TRHDE: variants seen among roughly 807,000 people sequenced by gnomAD.
TRHDE encodes thyrotropin-releasing hormone-degrading ectoenzyme.
In TRHDE, 72 loss-of-function variants were observed where a neutral mutation model predicts 125.7. The observed-to-expected ratio is 0.57, with a 90% CI of 0.47 to 0.70. The LOEUF is 0.70. TRHDE is among the 30% of genes least tolerant of loss of function. The pLI is 0.00. For synonymous variants in TRHDE, 509 were observed against 509.1 expected, an observed-to-expected ratio of 1.00 and a Z score of 0.00; for missense variants, 1,110 against 1,327.1, an observed-to-expected ratio of 0.84 and a Z score of 2.54.
intron 7 of TRHDE, among the ~76,000 whole-genome samples, chr12:72,552,816 TA>T (rs909585675): frequency 6.6e-6 from 1 of 152,106 alleles, no homozygotes; most frequent in Non-Finnish European, 1.5e-5. Flanking sequence ...TAGAGGGGGA[TA>T]AAGGCTAAGG....
intron 12 of TRHDE, among the ~76,000 whole-genome samples, chr12:72,588,335 G>A (rs1180970943): frequency 3.2e-4 from 49 of 152,096 alleles, no homozygotes; most frequent in Non-Finnish European, 4.4e-5. Flanking sequence ...AGTAAATAAG[G>A]GAACCATCTG....
chr12:72,211,508 C>T (rs1877781568), intron 2 of TRHDE, among the ~76,000 whole-genome samples: 1 of 152,106 alleles, frequency 6.6e-6, no homozygotes, highest in Non-Finnish European at 1.5e-5. Flanking sequence ...ATTCAGCAAG[C>T]TTTTGATAAT....
chr12:72,637,511 T>A (rs910352534), intron 15 of TRHDE, among the ~76,000 whole-genome samples: 2 of 152,160 alleles, frequency 1.3e-5, no homozygotes, highest in East Asian at 3.9e-4. Context: ...CCTTCAGTTC[T>A]GCTCTGATTT....
intron 6 of TRHDE, among the ~76,000 whole-genome samples, chr12:72,507,694 G>C (rs1051223366): frequency 6.6e-6 from 1 of 152,210 alleles, no homozygotes. Flanking sequence ...TTTCGGGGAG[G>C]AATTCAAGTG....
At chr12:72,471,759 C>G (rs1876659911) in intron 4 of TRHDE, among the ~76,000 whole-genome samples, 1 of 152,140 alleles carries the variant, frequency 6.6e-6, no homozygotes, top group Non-Finnish European at 1.5e-5. Context: ...ATTTGTATTT[C>G]AATGAGAGAT....
chr12:72,325,925 T>G (rs1268408026), intron 2 of TRHDE, among the ~76,000 whole-genome samples: 1 of 152,164 alleles, frequency 6.6e-6, no homozygotes, highest in African/African-American at 2.4e-5. Flanking sequence ...ATGTGGTGTA[T>G]TCACTCAAAT....
intron 1 of TRHDE, among the ~76,000 whole-genome samples, chr12:72,095,897 A>G (rs577107398): frequency 6.6e-6 from 1 of 152,306 alleles, no homozygotes; most frequent in South Asian, 2.1e-4. Flanking sequence ...AGTAAAGCAG[A>G]TTGCCCTCTA....
At chr12:72,227,129 T>C (rs1355887786) in intron 2 of TRHDE, among the ~76,000 whole-genome samples, 1 of 152,226 alleles carries the variant, frequency 6.6e-6, no homozygotes, top group East Asian at 1.9e-4. Context: ...TGGCTATTAA[T>C]ATCTTAAGTT....
In TRHDE at chr12:72,194,711, A is replaced by G. The variant is rs113117187; in HGVS notation, n.279+88959A>G. Reference sequence around the variant, plus strand: ...ACATTGCTGCGAAGGACATGATTCCATTCCTTTTTATGACTACATAGTATT... The same window carrying G: ...ACATTGCTGCGAAGGACATGATTCCGTTCCTTTTTATGACTACATAGTATT... On this transcript the variant is annotated intron_variant and non_coding_transcript_variant, in intron 2 of 4. Coordinates refer to the TRHDE transcript ENST00000548156. Among the ~76,000 whole-genome samples, 353 of 152,202 alleles carry G rather than the reference A, an allele frequency of 2.3e-3. 2 individuals carry two copies. Among genetic ancestry groups the G allele is most frequent in the African/African-American group, 7.9e-3 (328 of 41,546 alleles).
chr12:72,169,139 CT>C lies in TRHDE; in HGVS notation n.279+63402del, dbSNP rs79350221. On this transcript the variant is annotated intron_variant and non_coding_transcript_variant, in intron 2 of 4. Transcript: ENST00000548156. ...TCTCAAGTTATGTCAATGAAACAGA[CT>C]TTTTTTTTTTTTTTAAAGAAGACCA... 5.6e-3 allele frequency among the ~76,000 whole-genome samples: 784 copies of C among 140,098 alleles called. 2 individuals carry two copies. Among genetic ancestry groups the C allele is most frequent in the East Asian group, 0.02 (97 of 4,834 alleles). The allele number at this position is 140,098 out of a possible 152,430, so 91.9% of individuals were successfully genotyped here. A position where few individuals can be genotyped will look rare whatever the true frequency, so the allele number is the denominator to read the frequency against.
chr12:72,176,095 G>A (rs191306063), intron 2 of TRHDE, among the ~76,000 whole-genome samples: 47 of 152,188 alleles, frequency 3.1e-4, no homozygotes, highest in African/African-American at 8.4e-4. Context: ...GGTGGCTCAC[G>A]CTTACAATCC....
chr12:72,353,213 A>G (rs1870665520), intron 2 of TRHDE, among the ~76,000 whole-genome samples: 1 of 151,774 alleles, frequency 6.6e-6, no homozygotes, highest in Non-Finnish European at 1.5e-5. Flanking sequence ...GGCAGTGAGC[A>G]GAAAGAGCAA....
chr12:72,302,122 A>G (rs1483622619), intron 2 of TRHDE, among the ~76,000 whole-genome samples: 1 of 152,088 alleles, frequency 6.6e-6, no homozygotes, highest in East Asian at 1.9e-4. Flanking sequence ...GGGAAGATGG[A>G]ATGTTCTTGG....
At chr12:72,179,818 A>G (rs1015051764) in intron 2 of TRHDE, among the ~76,000 whole-genome samples, 2 of 152,182 alleles carry the variant, frequency 1.3e-5, no homozygotes, top group African/African-American at 2.4e-5. Context: ...CATTTGTTAA[A>G]TGAACAAACA....
At chr12:72,620,193 G>GT (rs1872986397) in intron 13 of TRHDE, among the ~76,000 whole-genome samples, 1 of 151,762 alleles carries the variant, frequency 6.6e-6, no homozygotes. Context: ...TTAGAATAGC[G>GT]TATCATGTCA....
At chr12:72,297,575 C>T (rs999530725) in intron 2 of TRHDE, among the ~76,000 whole-genome samples, 3 of 152,088 alleles carry the variant, frequency 2.0e-5, no homozygotes, top group African/African-American at 4.8e-5. Context: ...GCTTCAGATT[C>T]ATGAAAAAAG....
intron 3 of TRHDE, among the ~76,000 whole-genome samples, chr12:72,458,748 C>T (rs753786544): frequency 1.3e-5 from 2 of 152,098 alleles, no homozygotes; most frequent in Non-Finnish European, 2.9e-5. Flanking sequence ...TCTTCTTTGC[C>T]TATGCTACCT....
Position 72,220,053 on chromosome 12 carries a change from A to G in TRHDE, n.279+114301A>G, listed in dbSNP as rs142108842. ...TAAAAAGTGGGATGTGAAAAGGCACAGGCTTTTGAAGGAGTACTGCATACT... is the reference window on the plus strand; with the variant it reads ...TAAAAAGTGGGATGTGAAAAGGCACGGGCTTTTGAAGGAGTACTGCATACT... On this transcript the variant is annotated intron_variant and non_coding_transcript_variant, in intron 2 of 4. Coordinates refer to the TRHDE transcript ENST00000548156. 3.6e-4 allele frequency among the ~76,000 whole-genome samples: 55 copies of G among 152,306 alleles called. 1 individual carries two copies. The East Asian group carries it at 0.01, about 28-fold the overall frequency.
intron 2 of TRHDE, among the ~76,000 whole-genome samples, chr12:72,298,665 G>A (rs1880394705): frequency 6.6e-6 from 1 of 152,190 alleles, no homozygotes; most frequent in African/African-American, 2.4e-5. Flanking sequence ...GTCATGTTAA[G>A]GAGTTTTGAT....
Sources: allele counts gnomAD v4.1 joint callset (sites outside exome capture counted in the v4.1 genomes callset), GRCh38; gene constraint gnomAD v4.1.1; transcripts MANE v1.5; gene names NCBI Gene and HGNC (gene_info 2026-07-23, HGNC 2026-07-21).